Variants in KCNH7 observed in about 807,000 individuals in gnomAD.
KCNH7 encodes potassium voltage-gated channel subfamily H member 7, also known as voltage-gated inwardly rectifying potassium channel KCNH7.
In KCNH7, 49 loss-of-function variants were observed where a neutral mutation model predicts 120.8. That is an observed-to-expected ratio of 0.41 (90% CI 0.32 to 0.51). The LOEUF (loss-of-function observed/expected upper bound fraction) is 0.51, where lower values mean the gene tolerates loss of function less well. KCNH7 is among the 20% of genes least tolerant of loss of function. KCNH7 has a pLI of 0.38. For missense variants in KCNH7, 1,097 were observed against 1,446.6 expected (o/e 0.76, Z 3.92); for synonymous variants, 547 against 516.1 (o/e 1.06, Z -0.81).
intron 1 of KCNH7, among the ~76,000 whole-genome samples, chr2:162,837,196 A>G (rs1559157015): frequency 6.6e-6 from 1 of 152,224 alleles, no homozygotes; most frequent in Non-Finnish European, 1.5e-5. Flanking sequence ...CCCTTTGAAT[A>G]CAACTTTCTC....
chr2:162,734,857 G>C (rs1433808155), intron 2 of KCNH7, among the ~76,000 whole-genome samples: 1 of 152,140 alleles, frequency 6.6e-6, no homozygotes, highest in Non-Finnish European at 1.5e-5. Context: ...TGAAAATAGG[G>C]ACTGGAGAGA....
chr2:162,541,268 A>G (rs1692293186), intron 2 of KCNH7, among the ~76,000 whole-genome samples: 2 of 152,120 alleles, frequency 1.3e-5, no homozygotes, highest in African/African-American at 4.8e-5. Flanking sequence ...GGACTGGATG[A>G]GGTCACACAG....
At chr2:162,557,146 A>G (rs1692883319) in intron 2 of KCNH7, among the ~76,000 whole-genome samples, 1 of 152,208 alleles carries the variant, frequency 6.6e-6, no homozygotes, top group Non-Finnish European at 1.5e-5. Context: ...GGCTGCTGTC[A>G]TCTGAAGGCT....
At chr2:162,431,973 T>G (rs1558941600) in intron 8 of KCNH7, among the ~76,000 whole-genome samples, 1 of 151,996 alleles carries the variant, frequency 6.6e-6, no homozygotes, top group Non-Finnish European at 1.5e-5. Flanking sequence ...GTATTTTACT[T>G]AATCCTCACA....
At chr2:162,773,700 C>G (rs1683141247) in intron 2 of KCNH7, among the ~76,000 whole-genome samples, 3 of 152,020 alleles carry the variant, frequency 2.0e-5, no homozygotes, top group Admixed American at 2.0e-4. Flanking sequence ...TATGAAATAG[C>G]CTGTCATTTT....
intron 2 of KCNH7, chr2:162,772,047 C>T (rs1373019957): frequency 6.6e-6 from 1 of 152,154 alleles, no homozygotes; most frequent in African/African-American, 2.4e-5. Flanking sequence ...CTAGATCCAT[C>T]ATGCCATAGT....
intron 2 of KCNH7, among the ~76,000 whole-genome samples, chr2:162,778,831 A>G (rs886652895): frequency 1.3e-5 from 2 of 152,184 alleles, no homozygotes; most frequent in Admixed American, 6.5e-5. Flanking sequence ...ATATTCTGAA[A>G]TAGAACTGAC....
intron 2 of KCNH7, among the ~76,000 whole-genome samples, chr2:162,548,020 A>G (rs1356933155): frequency 1.3e-5 from 2 of 152,096 alleles, no homozygotes; most frequent in Non-Finnish European, 2.9e-5. Context: ...TTTTTTCCCT[A>G]GGTATTTTAG....
chr2:162,795,431 G>A (rs992279491), intron 2 of KCNH7: 3 of 151,874 alleles, frequency 2.0e-5, no homozygotes, highest in East Asian at 3.9e-4. Context: ...CAATTCAAAT[G>A]TATCTTCTCT....
chr2:162,787,122 C>T (rs1346530651), intron 2 of KCNH7, among the ~76,000 whole-genome samples: 1 of 152,160 alleles, frequency 6.6e-6, no homozygotes, highest in African/African-American at 2.4e-5. Flanking sequence ...CCCTGCAGAC[C>T]CAAGCAGTAG....
chr2:162,763,919 T>G (rs986326380), intron 2 of KCNH7, among the ~76,000 whole-genome samples: 1 of 151,980 alleles, frequency 6.6e-6, no homozygotes, highest in African/African-American at 2.4e-5. Flanking sequence ...CCATAACAAA[T>G]TGATGTGAGG....
intron 2 of KCNH7, among the ~76,000 whole-genome samples, chr2:162,603,239 T>C (rs187577043): frequency 5.0e-4 from 76 of 152,048 alleles, no homozygotes; most frequent in African/African-American, 1.8e-3. Flanking sequence ...AATTAGACCT[T>C]GAGATATATA....
chr2:162,525,683 T>A (rs754225933), intron 3 of KCNH7, among the ~76,000 whole-genome samples: 1 of 152,046 alleles, frequency 6.6e-6, no homozygotes, highest in Non-Finnish European at 1.5e-5. Context: ...GTGAAAGTGA[T>A]AACATCTTAA....
chr2:162,382,869 C>G (rs1686461124), intron 13 of KCNH7, among the ~76,000 whole-genome samples: 1 of 151,914 alleles, frequency 6.6e-6, no homozygotes, highest in Non-Finnish European at 1.5e-5. Context: ...ATGTGTTACA[C>G]TGATTGAAGC....
chr2:162,764,474 T>C (rs1351459315), intron 2 of KCNH7, among the ~76,000 whole-genome samples: 4 of 152,172 alleles, frequency 2.6e-5, no homozygotes, highest in Non-Finnish European at 5.9e-5. Flanking sequence ...TAGTGTAATC[T>C]AGCAAGTTGT....
intron 2 of KCNH7, among the ~76,000 whole-genome samples, chr2:162,597,576 G>A (rs1694420121): frequency 6.6e-6 from 1 of 152,016 alleles, no homozygotes; most frequent in African/African-American, 2.4e-5. Context: ...GAGAATGTTG[G>A]CCAAAGGGTG....
chr2:162,513,294 CTT>C (rs1691152838), intron 4 of KCNH7, among the ~76,000 whole-genome samples: 1 of 145,264 alleles, frequency 6.9e-6, no homozygotes, highest in Non-Finnish European at 1.5e-5. Context: ...TCCCTCCTTC[CTT>C]CCCTCCTTCC....
chr2:162,402,656 A>G (rs1293491977), intron 9 of KCNH7, among the ~76,000 whole-genome samples: 2 of 151,748 alleles, frequency 1.3e-5, no homozygotes, highest in South Asian at 2.1e-4. Context: ...GGCATTTTAG[A>G]TTTCACATGA....
chr2:162,818,573 T>C (rs971474184), intron 2 of KCNH7, among the ~76,000 whole-genome samples: 1 of 152,088 alleles, frequency 6.6e-6, no homozygotes, highest in African/African-American at 2.4e-5. Context: ...ATTCTTTCCA[T>C]TTTTATACAA....
Sources: gnomAD v4.1 joint callset for allele counts (sites outside exome capture counted in the v4.1 genomes callset) on GRCh38, gnomAD v4.1.1 for gene constraint, MANE v1.5 for transcripts, NCBI Gene and HGNC (gene_info 2026-07-23, HGNC 2026-07-21) for gene names.